NIBAN1: variants seen among roughly 807,000 people sequenced by gnomAD.
NIBAN1 encodes the protein niban apoptosis regulator 1, also known as protein Niban 1.
A neutral mutation model predicts 75.1 loss-of-function variants in NIBAN1; 81 were observed. That is an observed-to-expected ratio of 1.08 (90% CI 0.90 to 1.30). The LOEUF (loss-of-function observed/expected upper bound fraction) is 1.30, where lower values mean the gene tolerates loss of function less well. Ranked by LOEUF, NIBAN1 falls within the 50% of genes most tolerant of loss-of-function variation. The probability of loss-of-function intolerance (pLI) is 0.00; values close to 1 mark genes in which losing one functional copy is unlikely to be tolerated. For synonymous variants in NIBAN1, 436 were observed against 424.8 expected, an observed-to-expected ratio of 1.03 and a Z score of -0.32; for missense variants, 1,133 against 1,128.1, an observed-to-expected ratio of 1.00 and a Z score of -0.06.
intron 1 of NIBAN1, among the ~76,000 whole-genome samples, chr1:184,918,756 T>C (rs1293557494): frequency 6.6e-6 from 1 of 152,226 alleles, no homozygotes; most frequent in Non-Finnish European, 1.5e-5. Flanking sequence ...CATAATGTAA[T>C]ATAGTGATTT....
At chr1:184,885,352 A>G (rs1656495877) in intron 4 of NIBAN1, among the ~76,000 whole-genome samples, 1 of 151,780 alleles carries the variant, frequency 6.6e-6, no homozygotes. Context: ...TTTTTGTATT[A>G]TTTGTAGAGA....
At chr1:184,803,350 G>A (rs778073495) in intron 12 of NIBAN1, among the ~76,000 whole-genome samples, 1 of 152,212 alleles carries the variant, frequency 6.6e-6, no homozygotes, top group African/African-American at 2.4e-5. Flanking sequence ...TGCAAATAAA[G>A]TCTGTTTATA....
At chr1:184,970,589 T>A (rs1050306765) in intron 1 of NIBAN1, among the ~76,000 whole-genome samples, 2 of 151,956 alleles carry the variant, frequency 1.3e-5, no homozygotes, top group Non-Finnish European at 2.9e-5. Context: ...ACTCATTTCT[T>A]ATTTTATAAG....
chr1:184,973,870 A>T (rs764955228), intron 1 of NIBAN1, among the ~76,000 whole-genome samples: 2 of 152,252 alleles, frequency 1.3e-5, no homozygotes, highest in Middle Eastern at 3.2e-3. Flanking sequence ...CAACATTACT[A>T]AGAGGGAAAT....
intron 9 of NIBAN1, among the ~76,000 whole-genome samples, chr1:184,811,746 C>T (rs1487009642): frequency 2.0e-5 from 3 of 152,112 alleles, no homozygotes; most frequent in Non-Finnish European, 4.4e-5. Context: ...CCCGCCTCGG[C>T]CTCCCAAAGT....
At chr1:184,891,436 T>C (rs1349148895) in intron 3 of NIBAN1, among the ~76,000 whole-genome samples, 2 of 152,180 alleles carry the variant, frequency 1.3e-5, no homozygotes, top group East Asian at 3.8e-4. Context: ...ATTAAGAAGA[T>C]TTACAAGCAA....
chr1:184,924,997 T>C (rs1657647194), intron 1 of NIBAN1, among the ~76,000 whole-genome samples: 1 of 152,130 alleles, frequency 6.6e-6, no homozygotes, highest in African/African-American at 2.4e-5. Context: ...TCTTTTGTAT[T>C]GTTTTTTCAT....
At chr1:184,885,929 G>C (rs896491477) in intron 4 of NIBAN1, among the ~76,000 whole-genome samples, 1 of 151,862 alleles carries the variant, frequency 6.6e-6, no homozygotes, top group Non-Finnish European at 1.5e-5. Flanking sequence ...CACCTTTATT[G>C]GTTCCTCTGC....
rs964715783 is a variant in NIBAN1, at chr1:184,794,973, C to T, written c.*4G>A. On this transcript the variant is annotated 3_prime_UTR_variant, in exon 14 of 14. Coordinates refer to ENST00000367511, the MANE Select transcript of NIBAN1 (RefSeq NM_052966.4). ...AGAGAAAGACTTCAGCCAAATTGTC[C>T]CTTTCACTCCTCTGAGGGCAGCTCT... 2 of 1,607,594 alleles carry T rather than the reference C, an allele frequency of 1.2e-6. No individual in the cohort carries two copies. The highest frequency in any genetic ancestry group is 1.7e-5 in the Admixed American group (1 of 60,028).
chr1:184,818,975 T>C (rs947861829), intron 8 of NIBAN1, 150 bp from the exon 9 acceptor site: 1 of 760,018 alleles, frequency 1.3e-6, no homozygotes. Context: ...ACAATGAGCC[T>C]GGTGCCCATG....
At position 184,831,869 on chromosome 1, in the gene NIBAN1, A is replaced by C. The variant is rs779012313; in HGVS notation, c.695T>G (p.Met232Arg). 4 of 1,614,080 alleles carry C rather than the reference A, an allele frequency of 2.5e-6. No homozygotes were observed. Residue 232 changes from methionine (M) to arginine (R), a missense_variant, in exon 6 of 14, where the codon ATG (methionine) becomes AGG (arginine). Transcript: ENST00000367511. ...TACCTGGATTTCATCCCCAGTGATC[A>C]TTTCCCAGGAACCATAGTGACCCTT... ...QEKGHYGSWE[M>R]ITGDEIQILS... is the part of the protein sequence containing the mutation.
chr1:184,862,824 TTTTTC>T (rs1655850624), intron 5 of NIBAN1, among the ~76,000 whole-genome samples: 1 of 117,826 alleles, frequency 8.5e-6, no homozygotes. Flanking sequence ...TATCCCACAG[TTTTTC>T]TTTTCTTTTT....
intron 9 of NIBAN1, among the ~76,000 whole-genome samples, chr1:184,817,981 C>T (rs1654585271): frequency 6.6e-6 from 1 of 152,232 alleles, no homozygotes; most frequent in Non-Finnish European, 1.5e-5. Context: ...ACTTCCAATT[C>T]CTGTATGTCA....
At chr1:184,854,244 T>C (rs1440190334) in intron 5 of NIBAN1, among the ~76,000 whole-genome samples, 2 of 152,086 alleles carry the variant, frequency 1.3e-5, no homozygotes, top group African/African-American at 4.8e-5. Flanking sequence ...TGTTGTTTAT[T>C]TGAGTTGGGG....
At chr1:184,837,111 G>A (rs1655163726) in intron 5 of NIBAN1, among the ~76,000 whole-genome samples, 1 of 152,180 alleles carries the variant, frequency 6.6e-6, no homozygotes, top group Admixed American at 6.5e-5. Flanking sequence ...GTGTTCAAGA[G>A]AAACCAGATT....
At chr1:184,844,492 T>C (rs919959037) in intron 5 of NIBAN1, among the ~76,000 whole-genome samples, 1 of 152,162 alleles carries the variant, frequency 6.6e-6, no homozygotes, top group African/African-American at 2.4e-5. Flanking sequence ...TGCAATCTCA[T>C]GAGACAGGTA....
Position 184,829,000 on chromosome 1 carries a change from A to G in NIBAN1, c.717+2847T>C, listed in dbSNP as rs145907457. Among the ~76,000 whole-genome samples, 21 of 152,074 alleles carry G rather than the reference A, an allele frequency of 1.4e-4. No homozygotes were observed. The East Asian group carries it at 4.1e-3, about 30-fold the overall frequency. On this transcript the variant is annotated intron_variant, in intron 6 of 13. Coordinates refer to ENST00000367511, the MANE Select transcript of NIBAN1 (RefSeq NM_052966.4). ...CTTTTTGAAGAGATAGGGTCTTGCT[A>G]TGTTGCCCAGGCTAATCTCGAACTC...
intron 5 of NIBAN1, among the ~76,000 whole-genome samples, chr1:184,857,234 C>T (rs987744969): frequency 3.9e-5 from 6 of 152,118 alleles, no homozygotes; most frequent in African/African-American, 1.4e-4. Flanking sequence ...TTGTGTAAGG[C>T]AAGACACCAT....
intron 5 of NIBAN1, among the ~76,000 whole-genome samples, chr1:184,872,732 G>A (rs1300205062): frequency 6.6e-6 from 1 of 151,226 alleles, no homozygotes; most frequent in African/African-American, 2.4e-5. Flanking sequence ...AAAAGGTTAA[G>A]AGGTGAGGAA....
Sources: gnomAD v4.1 joint callset for allele counts (sites outside exome capture counted in the v4.1 genomes callset) on GRCh38, gnomAD v4.1.1 for gene constraint, MANE v1.5 for transcripts, NCBI Gene and HGNC (gene_info 2026-07-23, HGNC 2026-07-21) for gene names.